PPARGC1A: variants seen among roughly 807,000 people sequenced by gnomAD.
PPARGC1A encodes peroxisome proliferator-activated receptor gamma coactivator 1-alpha.
A neutral mutation model predicts 88.7 loss-of-function variants in PPARGC1A; 25 were observed. That is an observed-to-expected ratio of 0.28 (90% CI 0.21 to 0.39). The LOEUF is 0.39. Ranked by LOEUF, PPARGC1A falls within the 10% of genes least tolerant of loss-of-function variation. PPARGC1A has a pLI of 1.00. For synonymous variants in PPARGC1A, 363 were observed against 355.6 expected (o/e 1.02, Z -0.24); for missense variants, 880 against 968.7 (o/e 0.91, Z 1.22).
chr4:24,144,062 G>T, the PPARGC1A span, among the ~76,000 whole-genome samples: 1 of 152,216 alleles, frequency 6.6e-6, no homozygotes, highest in Non-Finnish European at 1.5e-5. Flanking sequence ...AGTGCTAAGA[G>T]GTAAAGGGAT....
At chr4:24,317,824 C>T in the PPARGC1A span, among the ~76,000 whole-genome samples, 3 of 152,030 alleles carry the variant, frequency 2.0e-5, no homozygotes, top group African/African-American at 7.2e-5. Context: ...ACGAACGTGC[C>T]CTCTGGCCTG....
chr4:23,989,738 T>A, the PPARGC1A span, among the ~76,000 whole-genome samples: 2 of 151,846 alleles, frequency 1.3e-5, no homozygotes, highest in African/African-American at 4.8e-5. Flanking sequence ...GTAGAAAGAA[T>A]TGCTCAACTA....
chr4:24,130,302 G>T, the PPARGC1A span, among the ~76,000 whole-genome samples: 1 of 152,132 alleles, frequency 6.6e-6, no homozygotes, highest in Non-Finnish European at 1.5e-5. Context: ...GAAATGAAGG[G>T]CAAAGAGGTT....
At chr4:23,872,913 C>T (rs1438595323) in intron 2 of PPARGC1A, among the ~76,000 whole-genome samples, 1 of 152,054 alleles carries the variant, frequency 6.6e-6, no homozygotes, top group Non-Finnish European at 1.5e-5. Flanking sequence ...AAATGTGGGC[C>T]GGGTGCAGTG....
the PPARGC1A span, among the ~76,000 whole-genome samples, chr4:23,971,079 A>G: frequency 4.3e-3 from 662 of 152,184 alleles, 3 homozygotes; most frequent in African/African-American, 0.015. Context: ...CCACGCTCCA[A>G]TTTCCAAGCT....
At chr4:23,975,031 C>G in the PPARGC1A span, among the ~76,000 whole-genome samples, 1 of 151,686 alleles carries the variant, frequency 6.6e-6, no homozygotes, top group South Asian at 2.1e-4. Flanking sequence ...GCCATGGCTA[C>G]GGGCGCAGCA....
At chr4:23,947,157 G>C in the PPARGC1A span, among the ~76,000 whole-genome samples, 176 of 151,656 alleles carry the variant, frequency 1.2e-3, no homozygotes, top group Non-Finnish European at 2.0e-3. Context: ...ATAAAGAAGG[G>C]TCAGGTTCAA....
At chr4:24,304,842 G>A in the PPARGC1A span, among the ~76,000 whole-genome samples, 70 of 152,260 alleles carry the variant, frequency 4.6e-4, 1 homozygote, top group Admixed American at 1.6e-3. Context: ...ATAAAGGAAG[G>A]TCTAAGGCAA....
chr4:23,950,457 C>A, the PPARGC1A span, among the ~76,000 whole-genome samples: 1 of 152,052 alleles, frequency 6.6e-6, no homozygotes, highest in Non-Finnish European at 1.5e-5. Context: ...TCGGTCGATG[C>A]AAGTAAAAGT....
chr4:24,107,906 T>C, the PPARGC1A span, among the ~76,000 whole-genome samples: 1 of 152,170 alleles, frequency 6.6e-6, no homozygotes, highest in African/African-American at 2.4e-5. Flanking sequence ...TTAAAGAGGA[T>C]GAAAAATTTA....
the PPARGC1A span, among the ~76,000 whole-genome samples, chr4:24,053,830 T>C: frequency 2.0e-5 from 3 of 152,202 alleles, no homozygotes; most frequent in South Asian, 6.2e-4. Flanking sequence ...TAAACCACGA[T>C]TGTTATTTAA....
the PPARGC1A span, among the ~76,000 whole-genome samples, chr4:24,426,191 G>A: frequency 5.9e-5 from 9 of 152,018 alleles, no homozygotes; most frequent in African/African-American, 9.7e-5. Flanking sequence ...ATAATACTTC[G>A]TAATTCCAGA....
chr4:24,130,792 C>T, the PPARGC1A span, among the ~76,000 whole-genome samples: 1 of 152,066 alleles, frequency 6.6e-6, no homozygotes, highest in Admixed American at 6.6e-5. Flanking sequence ...GCTGAAGACC[C>T]GTCAGCAGCC....
At chr4:24,236,847 G>A in the PPARGC1A span, among the ~76,000 whole-genome samples, 69,949 of 152,014 alleles carry the variant, frequency 0.46, 16,367 homozygotes, top group Middle Eastern at 0.55. Context: ...ACAAAAGTCT[G>A]TCTCAATACT....
At chr4:24,376,716 A>G in the PPARGC1A span, among the ~76,000 whole-genome samples, 1 of 152,218 alleles carries the variant, frequency 6.6e-6, no homozygotes, top group African/African-American at 2.4e-5. Flanking sequence ...CATTACCTTC[A>G]TTACTATATG....
chr4:24,020,399 G>C, the PPARGC1A span, among the ~76,000 whole-genome samples: 2 of 152,218 alleles, frequency 1.3e-5, no homozygotes, highest in East Asian at 1.9e-4. Context: ...AATATTGACT[G>C]TACCTATCAT....
the PPARGC1A span, among the ~76,000 whole-genome samples, chr4:24,064,257 G>A: frequency 1.3e-5 from 2 of 152,158 alleles, no homozygotes; most frequent in Non-Finnish European, 2.9e-5. Flanking sequence ...GAGGGGAGGG[G>A]GCTGGTGACA....
chr4:24,400,226 G>A, the PPARGC1A span, among the ~76,000 whole-genome samples: 2 of 152,200 alleles, frequency 1.3e-5, no homozygotes, highest in East Asian at 3.8e-4. Context: ...CTGGATGGGT[G>A]TCGCCAAAAG....
At chr4:24,406,243 G>A in the PPARGC1A span, among the ~76,000 whole-genome samples, 1 of 152,156 alleles carries the variant, frequency 6.6e-6, no homozygotes, top group Admixed American at 6.5e-5. Context: ...CACTGCATGT[G>A]GCAGCCACAG....
Sources: allele counts gnomAD v4.1 joint callset (sites outside exome capture counted in the v4.1 genomes callset), GRCh38; gene constraint gnomAD v4.1.1; transcripts MANE v1.5; gene names NCBI Gene and HGNC (gene_info 2026-07-23, HGNC 2026-07-21).